AKAP13: variants seen among roughly 807,000 people sequenced by gnomAD.
AKAP13 encodes A-kinase anchoring protein 13.
In AKAP13, 80 loss-of-function variants were observed where a neutral mutation model predicts 264.5. The ratio of observed to expected loss-of-function variants is 0.30; its 90% CI spans 0.25 to 0.36. The LOEUF (loss-of-function observed/expected upper bound fraction) is 0.36, where lower values mean the gene tolerates loss of function less well. Ranked by LOEUF, AKAP13 falls within the 10% of genes least tolerant of loss-of-function variation. AKAP13 has a pLI of 1.00. For missense variants in AKAP13, 3,712 were observed against 3,435.2 expected (o/e 1.08, Z -2.01); for synonymous variants, 1,380 against 1,250.2 (o/e 1.10, Z -2.19).
chr15:85,555,031 C>A (rs1235534041), intron 5 of AKAP13, among the ~76,000 whole-genome samples: 1 of 151,526 alleles, frequency 6.6e-6, no homozygotes, highest in Non-Finnish European at 1.5e-5. Context: ...ATGTTCCCTC[C>A]CCCCCAAAAA....
intron 8 of AKAP13, among the ~76,000 whole-genome samples, chr15:85,638,391 A>T (rs568625272): frequency 6.6e-6 from 1 of 151,678 alleles, no homozygotes; most frequent in African/African-American, 2.4e-5. Context: ...GTTTTATTTG[A>T]GGTTTGTTTT....
chr15:85,619,365 G>A lies in AKAP13; in HGVS notation c.4162-20009G>A, dbSNP rs1185850268. The A allele has an allele frequency of 4.1e-6, 4 of 984,606 alleles. No homozygotes were observed. In the East Asian group the frequency reaches 4.5e-4, roughly 112 times the overall value. 61.0% of individuals were successfully genotyped at this position (984,606 alleles called of 1,614,324 possible). On this transcript the variant is annotated intron_variant, in intron 8 of 36. Transcript: ENST00000394518. Reference sequence around the variant, plus strand: ...GCTAGGGAGGGAAGGAGGGAGGGAGGGAGTACAGCAGGAGTGGTCTTTTAT... The same window carrying A: ...GCTAGGGAGGGAAGGAGGGAGGGAGAGAGTACAGCAGGAGTGGTCTTTTAT...
intron 1 of AKAP13, among the ~76,000 whole-genome samples, chr15:85,477,395 G>A (rs1262232292): frequency 1.3e-5 from 2 of 151,828 alleles, no homozygotes; most frequent in Non-Finnish European, 2.9e-5. Context: ...TTGGGATTGG[G>A]ATTAAGAAAC....
Position 85,488,882 on chromosome 15 carries a change from T to C in AKAP13, c.33+3129T>C, listed in dbSNP as rs538263471. Among the ~76,000 whole-genome samples the C allele has an allele frequency of 9.8e-5, 15 of 152,364 alleles. No homozygotes were observed. The South Asian group carries it at 2.5e-3, about 25-fold the overall frequency. The stretch of plus-strand genomic sequence containing the variant: ...GATATATGATAATAAATTTATGTTG[T>C]CTTAAGCCACTGAGTTTGTGATAAT... On this transcript the variant is annotated intron_variant, in intron 2 of 36. Transcript: ENST00000394518.
rs139725341 is a variant in AKAP13 at position 85,630,852 on chromosome 15, T to G, written c.4162-8522T>G. Among the ~76,000 whole-genome samples, 246 of 152,250 alleles carry G rather than the reference T, an allele frequency of 1.6e-3. 3 individuals are homozygous for G. The highest frequency in any genetic ancestry group is 5.5e-3 in the African/African-American group (229 of 41,530). On this transcript the variant is annotated intron_variant, in intron 8 of 36. Coordinates refer to ENST00000394518, the MANE Select transcript of AKAP13 (RefSeq NM_007200.5). The stretch of plus-strand genomic sequence containing the variant: ...ATGGTACAGCCACTTTGGAAAACAG[T>G]CTGACATCTCCTTAAAGTATTAAAC...
chr15:85,643,713 G>T lies in AKAP13; in HGVS notation c.4238-2105G>T, dbSNP rs536859737. ...CCTATTGCTAAGAAGCCCCGTTTTAGTGAAGCTCTGTAGCTCACACTCACT... is the reference window on the plus strand; with the variant it reads ...CCTATTGCTAAGAAGCCCCGTTTTATTGAAGCTCTGTAGCTCACACTCACT... On this transcript the variant is annotated intron_variant, in intron 9 of 36. Transcript: ENST00000394518. Among the ~76,000 whole-genome samples, 44 of 152,298 alleles carry T rather than the reference G, an allele frequency of 2.9e-4. No individual in the cohort carries two copies. The South Asian group carries it at 8.7e-3, about 30-fold the overall frequency.
At chr15:85,627,250 T>G (rs2151435196) in intron 8 of AKAP13, among the ~76,000 whole-genome samples, 1 of 152,278 alleles carries the variant, frequency 6.6e-6, no homozygotes, top group South Asian at 2.1e-4. Context: ...ATATTGTTAT[T>G]TCAAACTCAA....
chr15:85,494,303 A>G (rs1482872437), intron 2 of AKAP13, among the ~76,000 whole-genome samples: 1 of 152,178 alleles, frequency 6.6e-6, no homozygotes, highest in African/African-American at 2.4e-5. Flanking sequence ...AAAAGGAAAC[A>G]AGAGTTTTAG....
intron 5 of AKAP13, among the ~76,000 whole-genome samples, chr15:85,570,360 G>C (rs1430693460): frequency 1.3e-5 from 2 of 152,136 alleles, no homozygotes; most frequent in Admixed American, 6.5e-5. Flanking sequence ...GCGGAGGCAG[G>C]AGAATCTCTT....
At chr15:85,663,731 C>A (rs990329711) in intron 12 of AKAP13, among the ~76,000 whole-genome samples, 2 of 152,176 alleles carry the variant, frequency 1.3e-5, no homozygotes, top group Non-Finnish European at 2.9e-5. Flanking sequence ...TAGTTAGCAA[C>A]CCAAGGAGGT....
intron 5 of AKAP13, among the ~76,000 whole-genome samples, chr15:85,572,534 C>G (rs955108124): frequency 6.6e-6 from 1 of 152,082 alleles, no homozygotes; most frequent in Non-Finnish European, 1.5e-5. Flanking sequence ...TTATTTTAAG[C>G]TGCTTTTGGG....
At chr15:85,701,439 T>C (rs2085905220) in intron 17 of AKAP13, among the ~76,000 whole-genome samples, 1 of 152,124 alleles carries the variant, frequency 6.6e-6, no homozygotes, top group Non-Finnish European at 1.5e-5. Context: ...GAGGGGTTTT[T>C]TTTGTTTTTT....
chr15:85,585,779 A>G lies in AKAP13; in HGVS notation c.4117A>G (p.Ile1373Val). 5 of 1,614,186 alleles carry G rather than the reference A, an allele frequency of 3.1e-6. No individual in the cohort carries two copies. The highest frequency in any genetic ancestry group is 4.2e-6 in the Non-Finnish European group (5 of 1,179,996). The part of the protein sequence containing the change: ...SISEEVAVGS[I>V]AATLKMKQGP... ...TTCTGAAGAAGTGGCTGTAGGGAGC[A>G]TAGCTGCTACACTGAAGATGAAGCA... Residue 1373 changes from isoleucine to valine, a missense_variant, in exon 8 of 37, where the codon ATA becomes GTA. Ile to Val is a conservative substitution (Grantham distance 29). Coordinates refer to ENST00000394518, the MANE Select transcript of AKAP13 (RefSeq NM_007200.5).
intron 14 of AKAP13, among the ~76,000 whole-genome samples, chr15:85,679,872 T>C (rs1259203311): frequency 6.6e-6 from 1 of 152,250 alleles, no homozygotes; most frequent in Non-Finnish European, 1.5e-5. Flanking sequence ...GGTTGTTTTC[T>C]ACCCTTAGGT....
At position 85,575,223 on chromosome 15, in the gene AKAP13, T is replaced by C; in HGVS notation, c.755T>C (p.Ile252Thr). The C allele has an allele frequency of 6.2e-7, 1 of 1,614,174 alleles. No homozygotes were observed. The highest frequency in any genetic ancestry group is 8.5e-7 in the Non-Finnish European group (1 of 1,180,020). The change falls in exon 6 of 37, where the codon ATC becomes ACC. Residue 252 changes from isoleucine to threonine, a missense_variant. Ile to Thr is a moderately conservative substitution (Grantham distance 89). Coordinates refer to ENST00000394518, the MANE Select transcript of AKAP13 (RefSeq NM_007200.5). ...CSVRHHRELD[I>T]YTLTSESDSH... ...GTGAGGCATCATCGAGAGTTGGACA[T>C]CTATACATTAACCTCTGAGTCTGAT... is the stretch of plus-strand genomic sequence containing the variant.
intron 3 of AKAP13, among the ~76,000 whole-genome samples, chr15:85,532,390 A>G (rs886818954): frequency 6.6e-6 from 1 of 152,252 alleles, no homozygotes; most frequent in African/African-American, 2.4e-5. Flanking sequence ...ATTCAGTCGC[A>G]GGGACCATGT....
chr15:85,423,952 T>C (rs1053925417), intron 1 of AKAP13, among the ~76,000 whole-genome samples: 1 of 152,000 alleles, frequency 6.6e-6, no homozygotes, highest in Non-Finnish European at 1.5e-5. Context: ...AGCAGGAGTC[T>C]TTTTTTTCTG....
chr15:85,671,644 T>C (rs985416521), intron 14 of AKAP13, among the ~76,000 whole-genome samples: 6 of 152,190 alleles, frequency 3.9e-5, no homozygotes, highest in Non-Finnish European at 5.9e-5. Context: ...TTGGATTTTT[T>C]TTTTTTTTTA....
At chr15:85,634,502 G>T (rs573573620) in intron 8 of AKAP13, among the ~76,000 whole-genome samples, 1 of 152,324 alleles carries the variant, frequency 6.6e-6, no homozygotes, top group Admixed American at 6.5e-5. Flanking sequence ...GTTAAGGTGT[G>T]TGGGAATTGT....
Sources: allele counts gnomAD v4.1 joint callset (sites outside exome capture counted in the v4.1 genomes callset), GRCh38; gene constraint gnomAD v4.1.1; transcripts MANE v1.5; gene names NCBI Gene and HGNC (gene_info 2026-07-23, HGNC 2026-07-21).